The following BRAF variants were observed in gnomAD, a reference collection of about 807,000 sequenced individuals.
The protein encoded by BRAF is serine/threonine-protein kinase B-raf.
BRAF carries 16 observed loss-of-function variants against 104.6 expected under a neutral mutation model. The observed-to-expected ratio is 0.15, with a 90% CI of 0.10 to 0.23. The LOEUF (loss-of-function observed/expected upper bound fraction) is 0.23. BRAF is among the 10% of genes least tolerant of loss of function. The pLI is 1.00. For missense variants in BRAF, 541 were observed against 937.3 expected (o/e 0.58, Z 5.52); for synonymous variants, 310 against 341.6 (o/e 0.91, Z 1.02).
Position 140,924,063 on chromosome 7 carries a change from G to T in BRAF, c.138+503C>A, listed in dbSNP as rs1380260492. ...AAATAGAAAAGTGAAAAAGGGCAGC[G>T]GACTGAGAAGGGGGGCAGTCCGGGA... is the stretch of plus-strand genomic sequence containing the variant. On this transcript the variant is annotated intron_variant, in intron 1 of 19. Transcript: ENST00000644969. This position sits in a 1 kb window ranked among gnomAD's most constrained non-coding sequence, Gnocchi z 4.2. Among the ~76,000 whole-genome samples the T allele has an allele frequency of 2.6e-5, 4 of 152,136 alleles. No homozygotes were observed. Among genetic ancestry groups the T allele is most frequent in the Non-Finnish European group, 5.9e-5 (4 of 68,024 alleles).
intron 1 of BRAF, among the ~76,000 whole-genome samples, chr7:140,913,967 AAT>A (rs1817303773): frequency 1.3e-5 from 2 of 152,232 alleles, no homozygotes; most frequent in African/African-American, 4.8e-5. Context: ...ACATTAATAG[AAT>A]GTAGTTAACA....
Position 140,904,961 on chromosome 7 carries a change from T to C in BRAF, c.138+19605A>G, listed in dbSNP as rs139815143. Among the ~76,000 whole-genome samples the C allele has an allele frequency of 7.5e-3, 1,144 of 152,224 alleles. 18 individuals carry two copies. Among genetic ancestry groups the C allele is most frequent in the African/African-American group, 0.026 (1,088 of 41,500 alleles). The stretch of plus-strand genomic sequence containing the variant: ...AATTTCTAACATGAAGCTTTAAAAA[T>C]TACCCTATTGATAGAGATCTTTAAT... On this transcript the variant is annotated intron_variant, in intron 1 of 19. Coordinates refer to ENST00000644969, the MANE Select transcript of BRAF (RefSeq NM_001374258.1).
At chr7:140,740,009 C>T in intron 17 of BRAF, 63 bp from the exon 17 acceptor site, 2 of 1,515,292 alleles carry the variant, frequency 1.3e-6, no homozygotes, top group Admixed American at 3.5e-5. Context: ...ATATACTTCA[C>T]ACTCATTGAA....
intron 2 of BRAF, chr7:140,835,090 T>G: frequency 1.7e-6 from 1 of 585,260 alleles, no homozygotes; most frequent in South Asian, 2.1e-5. Context: ...TTACACCTGA[T>G]AAATTTGACC....
chr7:140,899,637 T>A (rs1815374856), intron 1 of BRAF, among the ~76,000 whole-genome samples: 1 of 152,082 alleles, frequency 6.6e-6, no homozygotes, highest in Non-Finnish European at 1.5e-5. Context: ...TCATTTAAAT[T>A]TTTTTTTAAT....
chr7:140,766,583 C>A (rs922227127), intron 14 of BRAF, among the ~76,000 whole-genome samples: 1 of 152,118 alleles, frequency 6.6e-6, no homozygotes, highest in African/African-American at 2.4e-5. Context: ...ATTACTGTTA[C>A]TTCTTAATTT....
At position 140,812,047 on chromosome 7, in the gene BRAF, A is replaced by G. The variant is rs1455390855; in HGVS notation, c.505-3052T>C. On this transcript the variant is annotated intron_variant, in intron 3 of 19. Transcript: ENST00000644969. ...CATCCAATGTATCCTATCCTATGTT[A>G]CCATAGAAATCTTTCTAAAGAAGGC... 2.0e-5 allele frequency among the ~76,000 whole-genome samples: 3 copies of G among 152,072 alleles called. No individual in the cohort carries two copies. In the East Asian group the frequency reaches 5.8e-4, roughly 29 times the overall value.
chr7:140,722,364 G>A lies in BRAF; in HGVS notation c.*4130C>T, dbSNP rs113949305. On this transcript the variant is annotated 3_prime_UTR_variant, in exon 20 of 20. Coordinates refer to ENST00000644969, the MANE Select transcript of BRAF (RefSeq NM_001374258.1). Reference sequence around the variant, plus strand: ...ATTAACACAGCTGAGTTAAACCAGAGTGGCTGCTCTCTTCACAAATCACTG... The same window carrying A: ...ATTAACACAGCTGAGTTAAACCAGAATGGCTGCTCTCTTCACAAATCACTG... 1.5e-3 allele frequency: 1,533 copies of A among 1,054,984 alleles called. 10 individuals are homozygous for A. In the South Asian group the frequency reaches 0.024, roughly 17 times the overall value. 65.4% of individuals were successfully genotyped at this position (1,054,984 alleles called of 1,614,324 possible). A position where few individuals can be genotyped will look rare whatever the true frequency, so the allele number is the denominator to read the frequency against.
Position 140,726,080 on chromosome 7 carries a change from A to G in BRAF, c.*414T>C. On this transcript the variant is annotated 3_prime_UTR_variant, in exon 20 of 20. Transcript: ENST00000644969. The stretch of plus-strand genomic sequence containing the variant: ...GAAAGAGAACGATGCTTGGTGATTG[A>G]AACTGCCCCATCAGATGATCAGCCA... 1 of 1,084,630 alleles carries G rather than the reference A, an allele frequency of 9.2e-7. No individual in the cohort carries two copies. Among genetic ancestry groups the G allele is most frequent in the African/African-American group, 1.6e-5 (1 of 61,696 alleles). 67.2% of individuals were successfully genotyped at this position (1,084,630 alleles called of 1,614,324 possible).
downstream of BRAF, among the ~76,000 whole-genome samples, chr7:140,716,799 C>T (rs1440925421): frequency 6.6e-6 from 1 of 152,198 alleles, no homozygotes; most frequent in Non-Finnish European, 1.5e-5. Context: ...TGCAGAAGAA[C>T]AGCTGTTATA....
At chr7:140,730,200 T>C (rs1490285654) in intron 19 of BRAF, among the ~76,000 whole-genome samples, 1 of 151,968 alleles carries the variant, frequency 6.6e-6, no homozygotes, top group African/African-American at 2.4e-5. Context: ...ACCCGTCTTC[T>C]ATTTGAAGAG....
intron 1 of BRAF, among the ~76,000 whole-genome samples, chr7:140,884,384 G>C (rs1014895891): frequency 4.0e-5 from 6 of 150,470 alleles, no homozygotes; most frequent in Non-Finnish European, 7.4e-5. Flanking sequence ...CCCCATTACA[G>C]GGACTCTGAT....
intron 10 of BRAF, among the ~76,000 whole-genome samples, chr7:140,784,990 T>C (rs901614090): frequency 1.3e-5 from 2 of 152,190 alleles, no homozygotes; most frequent in Admixed American, 1.3e-4. Context: ...AAATAAAACA[T>C]GGCAAGATGA....
At chr7:140,898,263 A>G (rs1233658676) in intron 1 of BRAF, among the ~76,000 whole-genome samples, 2 of 152,188 alleles carry the variant, frequency 1.3e-5, no homozygotes, top group Non-Finnish European at 2.9e-5. Flanking sequence ...CATGATGGAT[A>G]AAGAAGACTA....
At chr7:140,713,880 C>T in the BRAF span, among the ~76,000 whole-genome samples, 1 of 152,168 alleles carries the variant, frequency 6.6e-6, no homozygotes. Flanking sequence ...CCACTCCAGA[C>T]CCTGTTTGCC....
chr7:140,722,445 T>G lies in BRAF; in HGVS notation c.*4049A>C. On this transcript the variant is annotated 3_prime_UTR_variant, in exon 20 of 20. Transcript: ENST00000644969. Reference sequence around the variant, plus strand: ...CATCATGAAGGCACAGTAAGATCATTTGGCAAATTGTCAAGGTATTTTTCT... The same window carrying G: ...CATCATGAAGGCACAGTAAGATCATGTGGCAAATTGTCAAGGTATTTTTCT... The G allele has an allele frequency of 2.8e-6, 3 of 1,055,206 alleles. No homozygotes were observed. The South Asian group carries it at 1.4e-4, about 48-fold the overall frequency. The allele number at this position is 1,055,206 out of a possible 1,614,324, so 65.4% of individuals were successfully genotyped here.
intron 19 of BRAF, among the ~76,000 whole-genome samples, chr7:140,726,825 A>G (rs777146927): frequency 9.9e-5 from 15 of 152,246 alleles, no homozygotes; most frequent in Non-Finnish European, 2.1e-4. Flanking sequence ...CAGAAACTGA[A>G]TGTAAAGTAG....
intron 1 of BRAF, among the ~76,000 whole-genome samples, chr7:140,910,456 T>G (rs187069325): frequency 1.8e-4 from 28 of 152,290 alleles, no homozygotes; most frequent in African/African-American, 6.7e-4. Context: ...ACAGTGTTAT[T>G]GTTTAGAAGA....
chr7:140,835,472 A>T (rs569011506), intron 2 of BRAF: 4 of 154,352 alleles, frequency 2.6e-5, no homozygotes, highest in African/African-American at 9.6e-5. Context: ...TATCAGTTAA[A>T]ATACTTTACT....
Sources: allele counts gnomAD v4.1 joint callset (sites outside exome capture counted in the v4.1 genomes callset), GRCh38; gene constraint gnomAD v4.1.1; non-coding constraint Gnocchi (gnomAD v3.1); transcripts MANE v1.5; gene names NCBI Gene and HGNC (gene_info 2026-07-23, HGNC 2026-07-21).